The following GRIA3 variants were observed in gnomAD, a reference collection of about 807,000 sequenced individuals.
GRIA3 encodes glutamate receptor 3.
A neutral mutation model predicts 63.0 loss-of-function variants in GRIA3; 3 were observed. The ratio of observed to expected loss-of-function variants is 0.05; its 90% CI spans 0.02 to 0.12. The LOEUF (loss-of-function observed/expected upper bound fraction) is 0.12, where lower values mean the gene tolerates loss of function less well. Ranked by LOEUF, GRIA3 falls within the 10% of genes least tolerant of loss-of-function variation. The pLI is 1.00. For synonymous variants in GRIA3, 274 were observed against 257.9 expected (o/e 1.06, Z -0.60); for missense variants, 347 against 700.9 (o/e 0.50, Z 5.70).
At chrX:123,380,065 T>C (rs1034690442) in intron 5 of GRIA3, among the ~76,000 whole-genome samples, 1 of 110,925 alleles carries the variant, frequency 9.0e-6, no homozygotes, top group African/African-American at 3.3e-5. Flanking sequence ...TGGGTTGGTT[T>C]CAAGTCTTTG....
At chrX:123,227,218 T>G (rs2044252045) in intron 2 of GRIA3, among the ~76,000 whole-genome samples, 1 of 111,069 alleles carries the variant, frequency 9.0e-6, no homozygotes, top group Non-Finnish European at 1.9e-5. Flanking sequence ...AACTGGATCA[T>G]GAGTTCTTTG....
In GRIA3 at chrX:123,490,558, T is replaced by A. The variant is rs921043417; in HGVS notation, c.*1848T>A. 1 of 112,659 alleles carries A rather than the reference T, an allele frequency of 8.9e-6. No homozygotes were observed. The highest frequency in any genetic ancestry group is 2.8e-4 in the East Asian group (1 of 3,617). 9.3% of individuals were successfully genotyped at this position (112,659 alleles called of 1,213,427 possible). A position where few individuals can be genotyped will look rare whatever the true frequency, so the allele number is the denominator to read the frequency against. On this transcript the variant is annotated 3_prime_UTR_variant, in exon 16 of 16. Transcript: ENST00000620443. Reference sequence around the variant, plus strand: ...TAGGCACTGTATAAAGAAAAATGTATGTTTATTAACTCAAATCAGTTTTTC... The same window carrying A: ...TAGGCACTGTATAAAGAAAAATGTAAGTTTATTAACTCAAATCAGTTTTTC...
chrX:123,280,477 G>A (rs1013446896), intron 3 of GRIA3, among the ~76,000 whole-genome samples: 1 of 111,472 alleles, frequency 9.0e-6, no homozygotes, highest in East Asian at 2.8e-4. Context: ...CAAAATTCTC[G>A]GGTAATGGAC....
At chrX:123,427,896 A>G (rs1352808037) in intron 11 of GRIA3, 45 bp from the exon 12 acceptor site, 1 of 896,042 alleles carries the variant, frequency 1.1e-6, no homozygotes, top group Non-Finnish European at 1.6e-6. Flanking sequence ...TTAAACTTAG[A>G]TCTGGCCCCT....
intron 6 of GRIA3, among the ~76,000 whole-genome samples, chrX:123,396,363 T>C (rs946642051): frequency 9.0e-6 from 1 of 110,650 alleles, no homozygotes; most frequent in Non-Finnish European, 1.9e-5. Flanking sequence ...TCTTACTTTA[T>C]GCAATTGGTG....
intron 10 of GRIA3, among the ~76,000 whole-genome samples, chrX:123,410,421 G>T (rs1184065855): frequency 8.9e-6 from 1 of 111,900 alleles, no homozygotes; most frequent in Non-Finnish European, 1.9e-5. Flanking sequence ...GTAGTAATGG[G>T]GCTGCAGGGA....
At chrX:123,377,526 A>T (rs2045294565) in intron 5 of GRIA3, among the ~76,000 whole-genome samples, 1 of 112,567 alleles carries the variant, frequency 8.9e-6, no homozygotes, top group Non-Finnish European at 1.9e-5. Context: ...ATGGATTTTT[A>T]AAATTATCTC....
chrX:123,404,512 C>T (rs1288849030), intron 9 of GRIA3, among the ~76,000 whole-genome samples, 196 bp from the exon 10 acceptor site: 1 of 104,005 alleles, frequency 9.6e-6, no homozygotes, highest in Non-Finnish European at 2.0e-5. Context: ...GTTAAGGACT[C>T]CCCCTACCAA....
chrX:123,414,427 A>T (rs1211051341), intron 10 of GRIA3, among the ~76,000 whole-genome samples: 1 of 110,688 alleles, frequency 9.0e-6, no homozygotes, highest in African/African-American at 3.3e-5. Context: ...TTTCTTTTTT[A>T]TTTTTTTTAT....
In GRIA3 at chrX:123,253,517, T is replaced by C; in HGVS notation, c.483T>C (p.Phe161=). The C allele has an allele frequency of 4.1e-6, 5 of 1,207,855 alleles. No individual in the cohort carries two copies. The highest frequency in any genetic ancestry group is 5.6e-6 in the Non-Finnish European group (5 of 892,135). The change falls in exon 3 of 16, where the codon TTT becomes TTC. Residue 161 remains phenylalanine, a synonymous_variant. Transcript: ENST00000620443. ...TGGGTCATTACAAGTGGGAGAAGTT[T>C]GTGTACCTCTATGACACAGAACGAG... is the stretch of plus-strand genomic sequence containing the variant. ...SLLGHYKWEK[F]VYLYDTERGF...
chrX:123,214,556 G>C (rs1008507022), intron 2 of GRIA3, among the ~76,000 whole-genome samples: 4 of 111,302 alleles, frequency 3.6e-5, no homozygotes, highest in African/African-American at 1.3e-4. Context: ...GGGAATAGTA[G>C]TCTCCATAAT....
intron 3 of GRIA3, among the ~76,000 whole-genome samples, chrX:123,304,213 CAACAACAAT>C (rs2044741350): frequency 8.3e-5 from 1 of 11,983 alleles, no homozygotes; most frequent in South Asian, 4.9e-3. Context: ...ATTTCAATAA[CAACAACAAT>C]AACAACAACA....
chrX:123,430,334 G>T (rs1205371925), intron 12 of GRIA3, among the ~76,000 whole-genome samples: 2 of 111,582 alleles, frequency 1.8e-5, no homozygotes, highest in Non-Finnish European at 3.8e-5. Flanking sequence ...CACTTTTTCT[G>T]TTTCCCCAAA....
chrX:123,450,871 G>A (rs773985898), intron 12 of GRIA3, among the ~76,000 whole-genome samples: 1 of 112,088 alleles, frequency 8.9e-6, no homozygotes, highest in African/African-American at 3.2e-5. Flanking sequence ...TGAAAGGAAG[G>A]AGCAGGCCAT....
At chrX:123,456,775 C>A (rs1364174457) in intron 12 of GRIA3, among the ~76,000 whole-genome samples, 1 of 111,485 alleles carries the variant, frequency 9.0e-6, no homozygotes, top group Non-Finnish European at 1.9e-5. Context: ...CTATGCATAT[C>A]CTAGTATTGG....
chrX:123,403,170 A>C, intron 8 of GRIA3, 72 bp downstream of exon 8: 1 of 660,189 alleles, frequency 1.5e-6, no homozygotes, highest in African/African-American at 2.1e-5. Context: ...TAAGAAAATA[A>C]GTATTATTAT....
intron 4 of GRIA3, among the ~76,000 whole-genome samples, chrX:123,348,448 A>G (rs11798216): frequency 2.2e-3 from 249 of 111,846 alleles, no homozygotes; most frequent in Middle Eastern, 4.6e-3. Context: ...CTTTGCTGTG[A>G]TACTCTAGAT....
intron 3 of GRIA3, among the ~76,000 whole-genome samples, chrX:123,283,842 T>A (rs966017645): frequency 1.8e-5 from 2 of 112,805 alleles, no homozygotes; most frequent in Non-Finnish European, 3.8e-5. Context: ...TCAGTGTTCC[T>A]GCCTGCTGGC....
chrX:123,235,599 ATT>A lies in GRIA3; in HGVS notation c.269-17702_269-17701del, dbSNP rs754181992. Among the ~76,000 whole-genome samples, 3 of 111,871 alleles carry A rather than the reference ATT, an allele frequency of 2.7e-5. No homozygotes were observed. In the East Asian group the frequency reaches 8.4e-4, roughly 31 times the overall value. On this transcript the variant is annotated intron_variant, in intron 2 of 15. Transcript: ENST00000620443. Reference sequence around the variant, plus strand: ...AATTTTGATGGCCAGACACAGAAATATTTGTTTAATGAGTGACAGCACATTGA... The same window carrying A: ...AATTTTGATGGCCAGACACAGAAATATGTTTAATGAGTGACAGCACATTGA...
Sources: allele counts gnomAD v4.1 joint callset (sites outside exome capture counted in the v4.1 genomes callset), GRCh38; gene constraint gnomAD v4.1.1; transcripts MANE v1.5; gene names NCBI Gene and HGNC (gene_info 2026-07-23, HGNC 2026-07-21).